The following RNF217 variants were observed in gnomAD, a reference collection of about 807,000 sequenced individuals.
RNF217 encodes ring finger protein 217.
In RNF217, 31 loss-of-function variants were observed where a neutral mutation model predicts 57.8. That is an observed-to-expected ratio of 0.54 (90% confidence interval 0.40 to 0.72). RNF217 has a LOEUF of 0.72. Ranked by LOEUF, RNF217 falls within the 30% of genes least tolerant of loss-of-function variation. The probability of loss-of-function intolerance (pLI) is 0.00; values close to 1 mark genes in which losing one functional copy is unlikely to be tolerated. For synonymous variants in RNF217, 313 were observed against 294.0 expected, an observed-to-expected ratio of 1.06 and a Z score of -0.66; for missense variants, 696 against 708.3, an observed-to-expected ratio of 0.98 and a Z score of 0.20.
chr6:125,025,632 A>T (rs1221654750), intron 1 of RNF217, among the ~76,000 whole-genome samples: 1 of 150,118 alleles, frequency 6.7e-6, no homozygotes, highest in African/African-American at 2.5e-5. Flanking sequence ...AGTGGGGAAC[A>T]GAAAGTTGAA....
intron 1 of RNF217, among the ~76,000 whole-genome samples, chr6:124,991,909 A>G (rs565876139): frequency 2.0e-4 from 31 of 152,336 alleles, no homozygotes; most frequent in Non-Finnish European, 2.8e-4. Context: ...CTGTCATACC[A>G]GAAAGCTCTA....
chr6:125,031,130 G>T (rs1786339168), intron 1 of RNF217, among the ~76,000 whole-genome samples: 1 of 152,228 alleles, frequency 6.6e-6, no homozygotes, highest in African/African-American at 2.4e-5. Context: ...GGCTGGAGCA[G>T]CTGGGACACA....
At chr6:124,967,048 A>C (rs896435760) in intron 1 of RNF217, among the ~76,000 whole-genome samples, 1 of 152,206 alleles carries the variant, frequency 6.6e-6, no homozygotes, top group Non-Finnish European at 1.5e-5. Context: ...ACAGATTATG[A>C]ATCTTTAGCA....
Position 125,088,036 on chromosome 6 carries a change from T to G in RNF217, c.*5099T>G, listed in dbSNP as rs62768263. 2.3e-5 allele frequency: 3 copies of G among 128,876 alleles called. No individual in the cohort carries two copies. The highest frequency in any genetic ancestry group is 7.9e-3 in the Middle Eastern group (2 of 254). 8.0% of individuals were successfully genotyped at this position (128,876 alleles called of 1,614,324 possible). On this transcript the variant is annotated 3_prime_UTR_variant, in exon 6 of 6. Coordinates refer to ENST00000521654, the MANE Select transcript of RNF217 (RefSeq NM_001286398.3). ...ATTCTTTTTTTTTTTTTTTTTTTTT[T>G]GAGACAGAGGTTCTCTCAATGTTGC...
At chr6:124,994,086 G>C (rs925201754) in intron 1 of RNF217, among the ~76,000 whole-genome samples, 3 of 151,978 alleles carry the variant, frequency 2.0e-5, no homozygotes, top group Non-Finnish European at 4.4e-5. Flanking sequence ...AGAGGAAAAA[G>C]CAAGTTTAGA....
At chr6:124,967,130 G>A (rs1244188743) in intron 1 of RNF217, among the ~76,000 whole-genome samples, 2 of 152,100 alleles carry the variant, frequency 1.3e-5, no homozygotes, top group Non-Finnish European at 2.9e-5. Context: ...TATATTGCTC[G>A]TGTACATAAA....
chr6:125,073,229 C>T (rs778242770), intron 3 of RNF217, among the ~76,000 whole-genome samples: 2 of 152,212 alleles, frequency 1.3e-5, no homozygotes, highest in African/African-American at 4.8e-5. Context: ...TTCAGAGGTC[C>T]AGTAGGGCTG....
At position 124,995,895 on chromosome 6, in the gene RNF217, C is replaced by G. The variant is rs372670809; in HGVS notation, c.882+32469C>G. On this transcript the variant is annotated intron_variant, in intron 1 of 5. Coordinates refer to ENST00000521654, the MANE Select transcript of RNF217 (RefSeq NM_001286398.3). Reference sequence around the variant, plus strand: ...CGAGATCGTGTCATTGCACTCCAGCCTGGGTGATGAGCAAGACTCTTGTCT... The same window carrying G: ...CGAGATCGTGTCATTGCACTCCAGCGTGGGTGATGAGCAAGACTCTTGTCT... 6.2e-4 allele frequency among the ~76,000 whole-genome samples: 95 copies of G among 152,008 alleles called. 1 individual carries two copies. The East Asian group carries it at 0.015, about 24-fold the overall frequency.
intron 1 of RNF217, among the ~76,000 whole-genome samples, chr6:124,984,159 G>A (rs1784281156): frequency 6.6e-6 from 1 of 152,066 alleles, no homozygotes; most frequent in Non-Finnish European, 1.5e-5. Context: ...ATTTTTATAG[G>A]TACAAACAAA....
chr6:124,982,020 CTG>C (rs1182742731), intron 1 of RNF217, among the ~76,000 whole-genome samples: 2 of 111,236 alleles, frequency 1.8e-5, no homozygotes, highest in African/African-American at 6.5e-5. Context: ...GAGCGAGACT[CTG>C]TCTCAAAAAA....
At chr6:125,080,987 G>A (rs1246450425) in intron 4 of RNF217, among the ~76,000 whole-genome samples, 1 of 151,962 alleles carries the variant, frequency 6.6e-6, no homozygotes, top group Non-Finnish European at 1.5e-5. Context: ...CTTTAGATGT[G>A]GGCTTGGACA....
intron 1 of RNF217, among the ~76,000 whole-genome samples, chr6:125,040,618 C>T (rs1444802654): frequency 6.6e-6 from 1 of 152,116 alleles, no homozygotes; most frequent in Non-Finnish European, 1.5e-5. Flanking sequence ...ATTCCAAAAC[C>T]TGGCAGAGAT....
intron 1 of RNF217, chr6:124,983,312 T>C (rs1163110987): frequency 1.1e-6 from 1 of 932,142 alleles, no homozygotes; most frequent in African/African-American, 1.8e-5. Context: ...CTGGTAATTA[T>C]TTGGTTTTCA....
intron 1 of RNF217, among the ~76,000 whole-genome samples, chr6:125,029,166 T>G (rs921055073): frequency 2.0e-5 from 3 of 152,210 alleles, no homozygotes; most frequent in African/African-American, 7.2e-5. Flanking sequence ...GTATATTCTT[T>G]CAGCATGGAA....
chr6:125,008,288 T>G (rs1230780530), intron 1 of RNF217, among the ~76,000 whole-genome samples: 1 of 152,030 alleles, frequency 6.6e-6, no homozygotes, highest in Non-Finnish European at 1.5e-5. Context: ...ATGTGGTCTC[T>G]CTCAAAATAT....
chr6:124,980,132 T>C (rs778671197), intron 1 of RNF217, among the ~76,000 whole-genome samples: 1 of 152,178 alleles, frequency 6.6e-6, no homozygotes, highest in Non-Finnish European at 1.5e-5. Flanking sequence ...ATTTTTTGTT[T>C]GTTTGTTTTT....
chr6:125,059,912 T>C (rs1787667923), intron 3 of RNF217, among the ~76,000 whole-genome samples: 1 of 152,198 alleles, frequency 6.6e-6, no homozygotes, highest in Non-Finnish European at 1.5e-5. Context: ...TATTACATTG[T>C]AGCAGAGAGC....
intron 3 of RNF217, among the ~76,000 whole-genome samples, chr6:125,069,798 C>T (rs1330403244): frequency 6.6e-6 from 1 of 152,118 alleles, no homozygotes; most frequent in Non-Finnish European, 1.5e-5. Flanking sequence ...GCCTCACCAG[C>T]ATCTGTTGTT....
At position 125,089,173 on chromosome 6, in the gene RNF217, A is replaced by G. The variant is rs377325472; in HGVS notation, c.*6236A>G. ...GAGAACACTGCCTAGCCCTCTGCCA[A>G]GAAGTAAGTCAAGCAAATGAAGATA... On this transcript the variant is annotated 3_prime_UTR_variant, in exon 6 of 6. Coordinates refer to ENST00000521654, the MANE Select transcript of RNF217 (RefSeq NM_001286398.3). The G allele has an allele frequency of 6.6e-6, 1 of 152,228 alleles. No individual in the cohort carries two copies. The highest frequency in any genetic ancestry group is 2.4e-5 in the African/African-American group (1 of 41,464). The allele number at this position is 152,228 out of a possible 1,614,324, so 9.4% of individuals were successfully genotyped here.
Sources: allele counts gnomAD v4.1 joint callset (sites outside exome capture counted in the v4.1 genomes callset), GRCh38; gene constraint gnomAD v4.1.1; transcripts MANE v1.5; gene names NCBI Gene and HGNC (gene_info 2026-07-23, HGNC 2026-07-21).